PDE10A: variants seen among roughly 807,000 people sequenced by gnomAD.
The protein encoded by PDE10A is cAMP and cAMP-inhibited cGMP 3',5'-cyclic phosphodiesterase 10A.
A neutral mutation model predicts 97.7 loss-of-function variants in PDE10A; 39 were observed. The ratio of observed to expected loss-of-function variants is 0.40; its 90% confidence interval spans 0.31 to 0.52. The LOEUF (loss-of-function observed/expected upper bound fraction) is 0.52. Ranked by LOEUF, PDE10A falls within the 20% of genes least tolerant of loss-of-function variation. The pLI is 0.56. For missense variants in PDE10A, 731 were observed against 1,047.8 expected (o/e 0.70, Z 4.17); for synonymous variants, 371 against 376.8 (o/e 0.98, Z 0.18).
intron 1 of PDE10A, among the ~76,000 whole-genome samples, chr6:165,856,506 T>C (rs1215942807): frequency 6.6e-6 from 1 of 152,238 alleles, no homozygotes; most frequent in Non-Finnish European, 1.5e-5. Flanking sequence ...CCATGAAGGC[T>C]TTGTGATTGA....
chr6:165,449,755 G>A (rs1458928337), intron 4 of PDE10A, among the ~76,000 whole-genome samples: 1 of 152,032 alleles, frequency 6.6e-6, no homozygotes, highest in Non-Finnish European at 1.5e-5. Context: ...AGATACAATT[G>A]TCATAGTGGG....
intron 1 of PDE10A, among the ~76,000 whole-genome samples, chr6:165,857,736 T>TGA (rs1780786978): frequency 1.1e-5 from 1 of 88,078 alleles, no homozygotes; most frequent in Non-Finnish European, 2.7e-5. Flanking sequence ...TGTGTGTGTG[T>TGA]GAAGAATGAT....
exon 1 of PDE10A, chr6:165,987,543 T>C (rs1409884279): frequency 5.4e-6 from 2 of 373,210 alleles, no homozygotes; most frequent in Admixed American, 3.5e-5. Flanking sequence ...CAAAGTATGC[T>C]GACGCGCATA....
chr6:165,354,532 T>G (rs111968271), intron 18 of PDE10A, among the ~76,000 whole-genome samples: 197 of 152,334 alleles, frequency 1.3e-3, no homozygotes, highest in Middle Eastern at 6.8e-3. Context: ...GTTATTTGAA[T>G]AATTCAAATC....
At chr6:165,596,045 C>G (rs1328432912) in intron 1 of PDE10A, among the ~76,000 whole-genome samples, 2 of 152,196 alleles carry the variant, frequency 1.3e-5, no homozygotes, top group African/African-American at 4.8e-5. Context: ...AAGTATCATT[C>G]CATGGATTAC....
At chr6:165,469,695 T>A (rs1436034226) in intron 3 of PDE10A, among the ~76,000 whole-genome samples, 1 of 152,224 alleles carries the variant, frequency 6.6e-6, no homozygotes, top group East Asian at 1.9e-4. Flanking sequence ...TGAGAAATTC[T>A]TATTGGGCTC....
chr6:165,893,519 T>TTG (rs1781858806), intron 1 of PDE10A, among the ~76,000 whole-genome samples: 1 of 152,232 alleles, frequency 6.6e-6, no homozygotes, highest in Non-Finnish European at 1.5e-5. Context: ...AGTTAATTAA[T>TTG]TTGACGGAGG....
In PDE10A at chr6:165,572,955, C is replaced by T. The variant is rs181534887; in HGVS notation, c.866-29387G>A. 7.9e-5 allele frequency among the ~76,000 whole-genome samples: 12 copies of T among 152,290 alleles called. No individual in the cohort carries two copies. In the East Asian group the frequency reaches 1.5e-3, roughly 20 times the overall value. ...GCCAACTTTGTTCAACTAGCGTTCACGTTAAAATTTCAAGTTTAGATGACA... is the reference window on the plus strand; with the variant it reads ...GCCAACTTTGTTCAACTAGCGTTCATGTTAAAATTTCAAGTTTAGATGACA... On this transcript the variant is annotated intron_variant, in intron 1 of 21. Coordinates refer to ENST00000539869, the MANE Select transcript of PDE10A (RefSeq NM_001385079.1).
chr6:165,468,785 G>A (rs1778815194), intron 3 of PDE10A, among the ~76,000 whole-genome samples: 1 of 152,160 alleles, frequency 6.6e-6, no homozygotes, highest in South Asian at 2.1e-4. Flanking sequence ...GGTGTGATTG[G>A]ATTTTATGCA....
At chr6:165,931,027 C>T (rs541941479) in intron 1 of PDE10A, among the ~76,000 whole-genome samples, 19 of 152,314 alleles carry the variant, frequency 1.2e-4, no homozygotes, top group African/African-American at 4.6e-4. Context: ...CTTCTCATGC[C>T]CCTGCACCTC....
intron 3 of PDE10A, among the ~76,000 whole-genome samples, chr6:165,479,830 T>C (rs1268541451): frequency 2.0e-5 from 3 of 151,660 alleles, no homozygotes; most frequent in Non-Finnish European, 2.9e-5. Context: ...GAAAGGAAAA[T>C]AGAGAAAAGG....
At chr6:165,885,887 C>A (rs1019555238) in intron 1 of PDE10A, among the ~76,000 whole-genome samples, 2 of 152,178 alleles carry the variant, frequency 1.3e-5, no homozygotes, top group African/African-American at 4.8e-5. Context: ...ACCTGTTATG[C>A]TCTTTTGGCT....
At chr6:165,850,305 C>T (rs1780540823) in intron 1 of PDE10A, among the ~76,000 whole-genome samples, 1 of 152,210 alleles carries the variant, frequency 6.6e-6, no homozygotes, top group Admixed American at 6.5e-5. Context: ...CAAATAACGT[C>T]TTGGCATTTT....
intron 6 of PDE10A, among the ~76,000 whole-genome samples, chr6:165,433,587 T>C (rs1789757828): frequency 6.6e-6 from 1 of 152,186 alleles, no homozygotes; most frequent in African/African-American, 2.4e-5. Flanking sequence ...TGTACGTTAA[T>C]AACAGTCATT....
intron 2 of PDE10A, among the ~76,000 whole-genome samples, chr6:165,541,604 G>A (rs777777458): frequency 2.9e-4 from 44 of 152,246 alleles, no homozygotes; most frequent in Middle Eastern, 6.8e-3. Context: ...TCATTATATA[G>A]CAAGCTGAAA....
intron 1 of PDE10A, among the ~76,000 whole-genome samples, chr6:165,562,713 C>G (rs1298035003): frequency 6.6e-6 from 1 of 152,146 alleles, no homozygotes; most frequent in South Asian, 2.1e-4. Context: ...ATCAACTAGG[C>G]CTAAAGATCC....
At chr6:165,738,003 T>TA (rs1562711885) in intron 1 of PDE10A, among the ~76,000 whole-genome samples, 1 of 134,886 alleles carries the variant, frequency 7.4e-6, no homozygotes, top group African/African-American at 2.5e-5. Context: ...TTCTTTTTTT[T>TA]ATTTTATTTT....
chr6:165,755,984 A>C (rs574264736), intron 1 of PDE10A, among the ~76,000 whole-genome samples: 1 of 152,288 alleles, frequency 6.6e-6, no homozygotes, highest in East Asian at 1.9e-4. Flanking sequence ...GGTTCCCGGG[A>C]AGACACATGG....
intron 19 of PDE10A, 116 bp from the exon 20 acceptor site, chr6:165,339,474 T>C: frequency 1.4e-6 from 1 of 710,652 alleles, no homozygotes. Context: ...ATAATGTTTG[T>C]GGTTGTTAAC....
Sources: gnomAD v4.1 joint callset for allele counts (sites outside exome capture counted in the v4.1 genomes callset) on GRCh38, gnomAD v4.1.1 for gene constraint, MANE v1.5 for transcripts, NCBI Gene and HGNC (gene_info 2026-07-23, HGNC 2026-07-21) for gene names.